Variants in CCNJL observed in about 807,000 individuals in gnomAD.
The protein encoded by CCNJL is cyclin J like, also known as cyclin-J-like protein.
A neutral mutation model predicts 33.4 loss-of-function variants in CCNJL; 33 were observed. The observed-to-expected ratio is 0.99, with a 90% CI of 0.75 to 1.32. CCNJL has a LOEUF of 1.32. Ranked by LOEUF, CCNJL falls within the 40% of genes most tolerant of loss-of-function variation. CCNJL has a pLI of 0.00. For synonymous variants in CCNJL, 227 were observed against 220.9 expected (o/e 1.03, Z -0.24); for missense variants, 512 against 499.7 (o/e 1.02, Z -0.23).
Position 160,262,184 on chromosome 5 carries a change from G to T in CCNJL, c.281-2413C>A, listed in dbSNP as rs1186932899. Among the ~76,000 whole-genome samples, 3 of 152,212 alleles carry T rather than the reference G, an allele frequency of 2.0e-5. No individual in the cohort carries two copies. The East Asian group carries it at 5.8e-4, about 29-fold the overall frequency. ...CCTCCCCAGAGCAGGAGGTGGCGAG[G>T]TGAAGGTGCACTGTACTGGGGTGGC... On this transcript the variant is annotated intron_variant, in intron 3 of 5. Coordinates refer to ENST00000257536, the MANE Select transcript of CCNJL (RefSeq NM_001308173.3).
upstream of CCNJL, chr5:160,315,468 C>T (rs1763371007): frequency 4.5e-6 from 2 of 447,186 alleles, no homozygotes; most frequent in South Asian, 3.1e-5. Context: ...GATTGTGCCA[C>T]TGCACTCCAG....
At chr5:160,326,662 C>A in intron 1 of CCNJL, 1 of 760,426 alleles carries the variant, frequency 1.3e-6, no homozygotes, top group Non-Finnish European at 2.4e-6. Flanking sequence ...TTGAAATCAG[C>A]GGGTGGGTGT....
At chr5:160,254,523 G>A (rs1760967490) in intron 5 of CCNJL, 1 of 434,554 alleles carries the variant, frequency 2.3e-6, no homozygotes, top group African/African-American at 2.0e-5. Context: ...ATGAGATAAA[G>A]ACAGCTGCCA....
At position 160,250,298 on chromosome 5, in the gene CCNJL, T is replaced by A. The variant is rs189764839; in HGVS notation, c.*3080A>T. The A allele has an allele frequency of 6.6e-6, 1 of 152,256 alleles. No individual in the cohort carries two copies. Among genetic ancestry groups the A allele is most frequent in the Non-Finnish European group, 1.5e-5 (1 of 68,068 alleles). The allele number at this position is 152,256 out of a possible 1,614,324, so 9.4% of individuals were successfully genotyped here. A position where few individuals can be genotyped will look rare whatever the true frequency, so the allele number is the denominator to read the frequency against. On this transcript the variant is annotated 3_prime_UTR_variant, in exon 6 of 6. Transcript: ENST00000257536. ...TCCAAAGTGAGGTGGGTGCTCTTGG[T>A]CAACCCAAGACTTGCCTTGTCTCTG...
intron 5 of CCNJL, chr5:160,254,781 A>G (rs922256484): frequency 3.0e-4 from 47 of 156,768 alleles, no homozygotes; most frequent in African/African-American, 1.1e-3. Context: ...GCCTTTAAGT[A>G]TCTTCTCTGA....
intron 2 of CCNJL, among the ~76,000 whole-genome samples, chr5:160,282,966 AATATATATATATATATATATATATAT>A (rs70990720): frequency 2.1e-4 from 9 of 43,394 alleles, no homozygotes; most frequent in Non-Finnish European, 3.3e-4. Context: ...CAGTCCTTGG[AATATATATATATATATATATATATAT>A]ATATATATAT....
rs1760759650 is a variant in CCNJL, at chr5:160,249,808, A to AT, written c.*3569_*3570insA. The stretch of plus-strand genomic sequence containing the variant: ...AATAAATAAATAAATAAATAAATAA[A>AT]ATAAAAATTTAAAAAATCAAACTAA... On this transcript the variant is annotated 3_prime_UTR_variant, in exon 6 of 6. Transcript: ENST00000257536. 6.6e-6 allele frequency: 1 copy of AT among 150,852 alleles called. No individual in the cohort carries two copies. Among genetic ancestry groups the AT allele is most frequent in the South Asian group, 2.1e-4 (1 of 4,810 alleles). The allele number at this position is 150,852 out of a possible 1,614,324, so 9.3% of individuals were successfully genotyped here. A position where few individuals can be genotyped will look rare whatever the true frequency, so the allele number is the denominator to read the frequency against.
intron 2 of CCNJL, among the ~76,000 whole-genome samples, chr5:160,302,868 G>A (rs1172939792): frequency 1.3e-5 from 2 of 151,940 alleles, no homozygotes; most frequent in Non-Finnish European, 2.9e-5. Flanking sequence ...ATAATGAAAT[G>A]GTAAAGTGTG....
At chr5:160,261,534 G>A (rs900592418) in intron 3 of CCNJL, among the ~76,000 whole-genome samples, 5 of 152,156 alleles carry the variant, frequency 3.3e-5, no homozygotes, top group Non-Finnish European at 5.9e-5. Context: ...GGTCAAAGCT[G>A]CCCAGAGAGG....
chr5:160,284,139 T>G (rs1580984660), intron 2 of CCNJL, among the ~76,000 whole-genome samples: 1 of 151,504 alleles, frequency 6.6e-6, no homozygotes, highest in Non-Finnish European at 1.5e-5. Flanking sequence ...ATCGCTTGAG[T>G]TTAGGAGTTT....
At chr5:160,287,875 C>A (rs899067048) in intron 2 of CCNJL, among the ~76,000 whole-genome samples, 3 of 151,744 alleles carry the variant, frequency 2.0e-5, no homozygotes, top group African/African-American at 7.3e-5. Context: ...AGCAGAAAGG[C>A]TAGGGGGAGG....
chr5:160,280,935 A>G (rs1358704605), intron 2 of CCNJL, 197 bp from the exon 3 acceptor site: 2 of 689,094 alleles, frequency 2.9e-6, no homozygotes, highest in East Asian at 2.7e-5. Context: ...ACAGGCTCAT[A>G]AAGTATCAAG....
chr5:160,263,857 T>C (rs2113264802), intron 3 of CCNJL, among the ~76,000 whole-genome samples: 1 of 152,318 alleles, frequency 6.6e-6, no homozygotes, highest in Non-Finnish European at 1.5e-5. Context: ...GAAAAGGAAG[T>C]TTTAAAAATC....
intron 1 of CCNJL, 126 bp downstream of exon 1, chr5:160,312,238 C>T (rs1763289887): frequency 6.9e-6 from 3 of 437,328 alleles, no homozygotes; most frequent in Non-Finnish European, 1.2e-5. Context: ...AAGTTGTCAA[C>T]TCCGCTAGCT....
rs575010686 is a variant in CCNJL, at chr5:160,250,828, A to G, written c.*2550T>C. Reference sequence around the variant, plus strand: ...AAAAGCTGATCTTATGCTTGAAGAAATATAATAATTATCTCCTTTTTTGGA... The same window carrying G: ...AAAAGCTGATCTTATGCTTGAAGAAGTATAATAATTATCTCCTTTTTTGGA... On this transcript the variant is annotated 3_prime_UTR_variant, in exon 6 of 6. Coordinates refer to ENST00000257536, the MANE Select transcript of CCNJL (RefSeq NM_001308173.3). The G allele has an allele frequency of 6.6e-6, 1 of 152,346 alleles. No homozygotes were observed. Among genetic ancestry groups the G allele is most frequent in the East Asian group, 1.9e-4 (1 of 5,186 alleles). 9.4% of individuals were successfully genotyped at this position (152,346 alleles called of 1,614,324 possible). A position where few individuals can be genotyped will look rare whatever the true frequency, so the allele number is the denominator to read the frequency against.
chr5:160,298,005 T>TTGGAGGC (rs1448698355), intron 2 of CCNJL, among the ~76,000 whole-genome samples: 3 of 152,130 alleles, frequency 2.0e-5, no homozygotes, highest in African/African-American at 7.2e-5. Context: ...CATCACCAAC[T>TTGGAGGC]TGGAGGCTGC....
intron 1 of CCNJL, among the ~76,000 whole-genome samples, chr5:160,336,712 C>G (rs996316352): frequency 2.6e-5 from 4 of 152,216 alleles, no homozygotes; most frequent in Non-Finnish European, 4.4e-5. Context: ...ATCCACAGAG[C>G]CTGCTCCTCC....
At chr5:160,296,964 A>G (rs1009542174) in intron 2 of CCNJL, among the ~76,000 whole-genome samples, 1 of 152,174 alleles carries the variant, frequency 6.6e-6, no homozygotes, top group Non-Finnish European at 1.5e-5. Flanking sequence ...GTAACTCTCT[A>G]AACTTTGCAT....
chr5:160,306,743 G>T (rs937139028), intron 2 of CCNJL, among the ~76,000 whole-genome samples: 1 of 152,226 alleles, frequency 6.6e-6, no homozygotes, highest in Non-Finnish European at 1.5e-5. Flanking sequence ...ACGAGTGCAA[G>T]TTCTATCTAC....
Sources: allele counts gnomAD v4.1 joint callset (sites outside exome capture counted in the v4.1 genomes callset), GRCh38; gene constraint gnomAD v4.1.1; transcripts MANE v1.5; gene names NCBI Gene and HGNC (gene_info 2026-07-23, HGNC 2026-07-21).